The following NTM variants were observed in gnomAD, a reference collection of about 807,000 sequenced individuals.
NTM encodes IgLON family member 2.
NTM carries 13 observed loss-of-function variants against 42.1 expected under a neutral mutation model. The observed-to-expected ratio is 0.31, with a 90% CI of 0.20 to 0.49. The LOEUF (loss-of-function observed/expected upper bound fraction) is 0.49. Ranked by LOEUF, NTM falls within the 20% of genes least tolerant of loss-of-function variation. The pLI is 0.99. For synonymous variants in NTM, 187 were observed against 179.2 expected (o/e 1.04, Z -0.35); for missense variants, 373 against 452.8 (o/e 0.82, Z 1.60).
chr11:131,485,859 A>C (rs1403269903), intron 1 of NTM, among the ~76,000 whole-genome samples: 1 of 152,138 alleles, frequency 6.6e-6, no homozygotes, highest in African/African-American at 2.4e-5. Flanking sequence ...ACTGTGAGGA[A>C]GAGAAGGAGG....
At chr11:132,210,417 T>C (rs2082652240) in intron 3 of NTM, among the ~76,000 whole-genome samples, 3 of 152,180 alleles carry the variant, frequency 2.0e-5, no homozygotes, top group African/African-American at 7.2e-5. Context: ...ATCACTCAAT[T>C]CTGTAAATAT....
intron 3 of NTM, among the ~76,000 whole-genome samples, chr11:132,201,021 T>C (rs2081078504): frequency 1.3e-5 from 2 of 152,074 alleles, no homozygotes; most frequent in African/African-American, 4.8e-5. Flanking sequence ...TGAAGTGGGT[T>C]TCTGAACAGA....
chr11:131,467,725 C>T (rs1015312936), intron 1 of NTM, among the ~76,000 whole-genome samples: 3 of 152,164 alleles, frequency 2.0e-5, no homozygotes, highest in Non-Finnish European at 4.4e-5. Flanking sequence ...AAATGCTCAA[C>T]ATATAGAAAG....
chr11:131,833,185 T>C (rs1028888018), intron 1 of NTM, among the ~76,000 whole-genome samples: 30 of 152,372 alleles, frequency 2.0e-4, no homozygotes, highest in African/African-American at 7.2e-4. Context: ...TATTGTGTGA[T>C]TTTTGTATTG....
intron 1 of NTM, among the ~76,000 whole-genome samples, chr11:131,657,057 C>T (rs1303720612): frequency 1.3e-5 from 2 of 151,442 alleles, no homozygotes; most frequent in Non-Finnish European, 2.9e-5. Flanking sequence ...GGAAGGCGGG[C>T]CTGGAGAAGG....
chr11:132,254,260 A>G (rs1026712862), intron 4 of NTM, among the ~76,000 whole-genome samples: 1 of 151,772 alleles, frequency 6.6e-6, no homozygotes, highest in Non-Finnish European at 1.5e-5. Context: ...TCTCCCCGCA[A>G]CCCGTCTTCA....
intron 1 of NTM, among the ~76,000 whole-genome samples, chr11:131,488,605 A>G (rs139380138): frequency 8.5e-4 from 129 of 152,328 alleles, no homozygotes; most frequent in Non-Finnish European, 1.5e-3. Context: ...CAGCATGTGC[A>G]TACAGGGTGG....
intron 4 of NTM, among the ~76,000 whole-genome samples, chr11:132,263,167 G>A (rs573660391): frequency 2.0e-5 from 3 of 152,190 alleles, no homozygotes; most frequent in South Asian, 2.1e-4. Context: ...GTTCTGCAGG[G>A]CAGGGTTGCA....
intron 2 of NTM, among the ~76,000 whole-genome samples, chr11:132,136,855 G>A (rs1306945174): frequency 6.6e-6 from 1 of 152,148 alleles, no homozygotes; most frequent in East Asian, 1.9e-4. Flanking sequence ...ACAAAGAATT[G>A]GAGGTGGAAC....
chr11:132,250,717 CT>C (rs1278029494), intron 4 of NTM, among the ~76,000 whole-genome samples: 1 of 151,604 alleles, frequency 6.6e-6, no homozygotes, highest in African/African-American at 2.4e-5. Flanking sequence ...CCTATTTTTA[CT>C]TTTTTTCCTC....
chr11:131,399,681 G>A (rs142482389), intron 1 of NTM, among the ~76,000 whole-genome samples: 14 of 152,238 alleles, frequency 9.2e-5, no homozygotes, highest in East Asian at 1.9e-4. Flanking sequence ...TGATGAGGCC[G>A]GCCATGGTTC....
At chr11:132,307,373 G>A (rs1209267428) in intron 4 of NTM, among the ~76,000 whole-genome samples, 3 of 152,114 alleles carry the variant, frequency 2.0e-5, no homozygotes, top group South Asian at 4.2e-4. Flanking sequence ...AGAGCACGAC[G>A]GCTTGGTAAG....
At position 131,539,560 on chromosome 11, in the gene NTM, A is replaced by G. The variant is rs186644740; in HGVS notation, c.82+168672A>G. ...CTACTCACACACAGATAGTGCCGTG[A>G]TGGCCAGGGCCTGAGAGCCTAATTC... On this transcript the variant is annotated intron_variant, in intron 1 of 8. Coordinates refer to ENST00000683400, the MANE Select transcript of NTM (RefSeq NM_001352005.2). 3.3e-5 allele frequency: 5 copies of G among 152,408 alleles called. No homozygotes were observed. The East Asian group carries it at 9.7e-4, about 30-fold the overall frequency. The allele number at this position is 152,408 out of a possible 1,614,324, so 9.4% of individuals were successfully genotyped here.
At chr11:131,493,113 T>C (rs1474026603) in intron 1 of NTM, among the ~76,000 whole-genome samples, 1 of 152,004 alleles carries the variant, frequency 6.6e-6, no homozygotes, top group African/African-American at 2.4e-5. Flanking sequence ...CTGTAGTCCC[T>C]AGGCTGGGGC....
At chr11:132,123,050 C>G (rs1482145437) in intron 2 of NTM, among the ~76,000 whole-genome samples, 4 of 152,176 alleles carry the variant, frequency 2.6e-5, no homozygotes, top group African/African-American at 7.2e-5. Context: ...CTTTTCCTAT[C>G]TTCTCTTCTG....
intron 3 of NTM, among the ~76,000 whole-genome samples, chr11:132,177,431 A>T (rs60880252): frequency 0.021 from 3,195 of 152,260 alleles, 94 homozygotes; most frequent in African/African-American, 0.07. Flanking sequence ...TGGGTACTGG[A>T]ATGTTAATAC....
intron 3 of NTM, among the ~76,000 whole-genome samples, chr11:132,196,563 G>A (rs1271883110): frequency 6.6e-6 from 1 of 152,124 alleles, no homozygotes; most frequent in Non-Finnish European, 1.5e-5. Flanking sequence ...GTGGTGGACT[G>A]GATAGAGAAA....
chr11:132,013,303 C>T (rs1213662813), intron 2 of NTM, among the ~76,000 whole-genome samples: 1 of 152,014 alleles, frequency 6.6e-6, no homozygotes, highest in Non-Finnish European at 1.5e-5. Context: ...AAGAGGGGAC[C>T]TATTAAATAA....
At chr11:132,219,462 T>C (rs1362591171) in intron 4 of NTM, among the ~76,000 whole-genome samples, 1 of 152,112 alleles carries the variant, frequency 6.6e-6, no homozygotes, top group Non-Finnish European at 1.5e-5. Context: ...ATACTGTAGA[T>C]GTAGTTTTCA....
Sources: gnomAD v4.1 joint callset for allele counts (sites outside exome capture counted in the v4.1 genomes callset) on GRCh38, gnomAD v4.1.1 for gene constraint, MANE v1.5 for transcripts, NCBI Gene and HGNC (gene_info 2026-07-23, HGNC 2026-07-21) for gene names.